ADAM22: variants seen among roughly 807,000 people sequenced by gnomAD.
The protein encoded by ADAM22 is disintegrin and metalloproteinase domain-containing protein 22.
ADAM22 carries 65 observed loss-of-function variants against 144.6 expected under a neutral mutation model. That is an observed-to-expected ratio of 0.45 (90% CI 0.37 to 0.55). The LOEUF (loss-of-function observed/expected upper bound fraction) is 0.55, where lower values mean the gene tolerates loss of function less well. ADAM22 is among the 20% of genes least tolerant of loss of function. The probability of loss-of-function intolerance (pLI) is 0.00; values close to 1 mark genes in which losing one functional copy is unlikely to be tolerated. For missense variants in ADAM22, 974 were observed against 1,184.9 expected (o/e 0.82, Z 2.61); for synonymous variants, 391 against 412.6 (o/e 0.95, Z 0.63).
At chr7:88,065,433 T>A (rs995051302) in intron 3 of ADAM22, among the ~76,000 whole-genome samples, 14 of 152,036 alleles carry the variant, frequency 9.2e-5, no homozygotes, top group African/African-American at 3.1e-4. Flanking sequence ...ATTTCAAAAT[T>A]TAATTTTATT....
At chr7:88,053,223 G>C (rs190624589) in intron 3 of ADAM22, among the ~76,000 whole-genome samples, 1 of 151,874 alleles carries the variant, frequency 6.6e-6, no homozygotes, top group Non-Finnish European at 1.5e-5. Flanking sequence ...TGGCATATTA[G>C]GTACATCCTA....
intron 22 of ADAM22, among the ~76,000 whole-genome samples, chr7:88,159,915 A>G (rs1841101761): frequency 6.6e-6 from 1 of 152,160 alleles, no homozygotes; most frequent in Non-Finnish European, 1.5e-5. Context: ...GCAATTAGGC[A>G]AGAGTGAAAA....
intron 2 of ADAM22, among the ~76,000 whole-genome samples, chr7:87,961,669 G>A (rs570300988): frequency 2.0e-5 from 3 of 152,310 alleles, no homozygotes; most frequent in East Asian, 1.9e-4. Flanking sequence ...AGCTTACTAA[G>A]TAGCAGATAC....
rs118110632 is a variant in ADAM22 at position 88,108,702 on chromosome 7, C to T, written c.473+444C>T. On this transcript the variant is annotated intron_variant, in intron 5 of 31. Coordinates refer to ENST00000413139, the MANE Select transcript of ADAM22 (RefSeq NM_001324418.2). The stretch of plus-strand genomic sequence containing the variant: ...CAAGACCATGCCACTGCACTCCAGC[C>T]TGTGGGATAGAGCGAGACTCTGATT... Among the ~76,000 whole-genome samples, 840 of 151,436 alleles carry T rather than the reference C, an allele frequency of 5.5e-3. 10 individuals carry two copies. Among genetic ancestry groups the T allele is most frequent in the East Asian group, 0.037 (190 of 5,118 alleles).
At chr7:87,972,456 G>A (rs552210117) in intron 2 of ADAM22, among the ~76,000 whole-genome samples, 1,568 of 151,068 alleles carry the variant, frequency 0.01, 20 homozygotes, top group African/African-American at 0.036. Flanking sequence ...ATGGAAGAAC[G>A]TTCCATGCTC....
chr7:88,161,440 C>A (rs1233223913), intron 22 of ADAM22, among the ~76,000 whole-genome samples: 1 of 152,000 alleles, frequency 6.6e-6, no homozygotes, highest in East Asian at 1.9e-4. Flanking sequence ...ACACCAGAAG[C>A]AATCATAACA....
intron 3 of ADAM22, among the ~76,000 whole-genome samples, chr7:88,006,306 G>A (rs1042271210): frequency 1.4e-4 from 22 of 152,166 alleles, no homozygotes; most frequent in African/African-American, 5.1e-4. Flanking sequence ...ATTCACAGCC[G>A]AATTCTACCA....
chr7:88,173,228 C>T (rs762399535), intron 26 of ADAM22, among the ~76,000 whole-genome samples: 2 of 152,006 alleles, frequency 1.3e-5, no homozygotes, highest in Non-Finnish European at 2.9e-5. Context: ...CATGAAGAAT[C>T]TCCTTTATGT....
chr7:88,005,604 C>A (rs913798129), intron 3 of ADAM22, among the ~76,000 whole-genome samples: 3 of 152,116 alleles, frequency 2.0e-5, no homozygotes, highest in Non-Finnish European at 4.4e-5. Context: ...ACCTATTATA[C>A]ACAGATGCTT....
intron 3 of ADAM22, among the ~76,000 whole-genome samples, chr7:88,019,721 G>A (rs186655804): frequency 9.4e-4 from 142 of 151,262 alleles, no homozygotes; most frequent in African/African-American, 3.2e-3. Flanking sequence ...GTTGTGGTGC[G>A]CACCTGTAAT....
intron 4 of ADAM22, among the ~76,000 whole-genome samples, chr7:88,092,165 G>T (rs1438386641): frequency 1.3e-5 from 2 of 152,108 alleles, no homozygotes; most frequent in Non-Finnish European, 2.9e-5. Context: ...ATCTGCATCT[G>T]GAGTAAATGT....
At chr7:87,982,762 T>C (rs904138908) in intron 3 of ADAM22, among the ~76,000 whole-genome samples, 2 of 145,468 alleles carry the variant, frequency 1.4e-5, no homozygotes, top group African/African-American at 5.1e-5. Context: ...TGGTGCAATC[T>C]TGGCTCACCA....
chr7:88,023,044 A>G (rs552171087), intron 3 of ADAM22, among the ~76,000 whole-genome samples: 1 of 152,278 alleles, frequency 6.6e-6, no homozygotes, highest in South Asian at 2.1e-4. Context: ...CTCTTTGTTT[A>G]TAAGTATCTG....
chr7:88,047,857 A>C (rs1478718011), intron 3 of ADAM22, among the ~76,000 whole-genome samples: 1 of 152,160 alleles, frequency 6.6e-6, no homozygotes, highest in African/African-American at 2.4e-5. Flanking sequence ...CAAATAAATA[A>C]ATGCATCAGA....
At chr7:88,115,789 AT>A (rs988494295) in intron 6 of ADAM22, among the ~76,000 whole-genome samples, 1 of 152,096 alleles carries the variant, frequency 6.6e-6, no homozygotes, top group African/African-American at 2.4e-5. Context: ...TCTATTGTCT[AT>A]TGCTTTTAAG....
intron 3 of ADAM22, among the ~76,000 whole-genome samples, chr7:88,000,217 G>T (rs1236246956): frequency 2.6e-5 from 4 of 151,954 alleles, no homozygotes; most frequent in African/African-American, 9.7e-5. Context: ...GCTGTTTTAT[G>T]TTTAAACTCC....
chr7:87,946,361 A>G (rs1843678185), intron 2 of ADAM22, among the ~76,000 whole-genome samples: 1 of 152,208 alleles, frequency 6.6e-6, no homozygotes, highest in Non-Finnish European at 1.5e-5. Flanking sequence ...TTTGCTGTGC[A>G]GAAGCTCTTG....
intron 4 of ADAM22, among the ~76,000 whole-genome samples, chr7:88,076,183 G>A (rs972832140): frequency 1.4e-4 from 21 of 151,954 alleles, no homozygotes; most frequent in Middle Eastern, 3.4e-3. Context: ...GATTACAGGC[G>A]CCTGCCACCA....
chr7:88,099,991 T>A (rs1358516341), intron 4 of ADAM22, among the ~76,000 whole-genome samples: 1 of 151,864 alleles, frequency 6.6e-6, no homozygotes, highest in Non-Finnish European at 1.5e-5. Context: ...AAAGAAAAAA[T>A]TAAAGGAAAA....
Sources: allele counts gnomAD v4.1 joint callset (sites outside exome capture counted in the v4.1 genomes callset), GRCh38; gene constraint gnomAD v4.1.1; transcripts MANE v1.5; gene names NCBI Gene and HGNC (gene_info 2026-07-23, HGNC 2026-07-21).